The following BCR variants were observed in gnomAD, a reference collection of about 807,000 sequenced individuals.
BCR encodes the protein BCR activator of RhoGEF and GTPase.
A neutral mutation model predicts 138.6 loss-of-function variants in BCR; 58 were observed. That is an observed-to-expected ratio of 0.42 (90% CI 0.34 to 0.52). BCR has a LOEUF of 0.52. Among genes scored for constraint, BCR ranks in the 20% least tolerant of loss-of-function variants. The pLI, the probability that BCR is intolerant of heterozygous loss-of-function variation, is 0.06. For missense variants in BCR, 1,599 were observed against 1,727.2 expected, an observed-to-expected ratio of 0.93 and a Z score of 1.32; for synonymous variants, 786 against 730.1, an observed-to-expected ratio of 1.08 and a Z score of -1.23.
At chr22:23,203,744 C>T (rs1174006466) in intron 1 of BCR, among the ~76,000 whole-genome samples, 1 of 152,122 alleles carries the variant, frequency 6.6e-6, no homozygotes, top group Non-Finnish European at 1.5e-5. Flanking sequence ...TAGTTTATTG[C>T]TGTTGTGGGC....
At chr22:23,273,194 C>T (rs570578831) in intron 7 of BCR, 61 bp downstream of exon 7, 33 of 1,556,094 alleles carry the variant, frequency 2.1e-5, no homozygotes, top group East Asian at 1.1e-4. Context: ...CACACAGCAA[C>T]AATGTTCTGA....
At chr22:23,263,837 C>CAG in intron 4 of BCR, 1 of 1,100,136 alleles carries the variant, frequency 9.1e-7, no homozygotes, top group South Asian at 1.2e-5. Flanking sequence ...AGTGTTTATA[C>CAG]ACCATCCAGA....
chr22:23,297,207 G>GTT (rs1307353327), intron 16 of BCR, among the ~76,000 whole-genome samples: 2,105 of 96,774 alleles, frequency 0.022, 135 homozygotes, highest in Middle Eastern at 0.04. Flanking sequence ...TGGCTAAGTT[G>GTT]TTTTTTGTTT....
chr22:23,243,794 C>T (rs556437326), intron 1 of BCR, among the ~76,000 whole-genome samples: 7 of 152,138 alleles, frequency 4.6e-5, no homozygotes, highest in Admixed American at 2.6e-4. Context: ...AGGCGCCTGC[C>T]ACCACGCCCA....
At chr22:23,268,382 ACT>A (rs749602197) in intron 4 of BCR, 24 bp from the exon 5 acceptor site, 6 of 1,569,142 alleles carry the variant, frequency 3.8e-6, no homozygotes, top group South Asian at 2.3e-5. Flanking sequence ...CACCTGTCCC[ACT>A]CTCTCTTCCT....
At chr22:23,245,436 A>G (rs1032942241) in intron 1 of BCR, among the ~76,000 whole-genome samples, 7 of 152,046 alleles carry the variant, frequency 4.6e-5, no homozygotes, top group Non-Finnish European at 7.4e-5. Flanking sequence ...GTACGGCATG[A>G]GGGCTGGGAG....
chr22:23,240,219 C>T (rs913396212), intron 1 of BCR, among the ~76,000 whole-genome samples: 1 of 151,894 alleles, frequency 6.6e-6, no homozygotes, highest in Non-Finnish European at 1.5e-5. Context: ...AGGACTTCAG[C>T]ATATGAATTT....
At position 23,235,831 on chromosome 22, in the gene BCR, T is replaced by C. The variant is rs567345793; in HGVS notation, c.1280-17968T>C. ...CTTCTTGCTGTGTTCTCACCTGGTG[T>C]GGAAAGGATGGGGGCTGTCTCTGGG... On this transcript the variant is annotated intron_variant, in intron 1 of 22. Coordinates refer to ENST00000305877, the MANE Select transcript of BCR (RefSeq NM_004327.4). 2.0e-3 allele frequency among the ~76,000 whole-genome samples: 301 copies of C among 152,162 alleles called. 1 individual carries two copies. Among genetic ancestry groups the C allele is most frequent in the Non-Finnish European group, 2.4e-3 (165 of 67,994 alleles).
At chr22:23,284,831 A>G (rs1461411406) in intron 9 of BCR, among the ~76,000 whole-genome samples, 1 of 152,190 alleles carries the variant, frequency 6.6e-6, no homozygotes, top group East Asian at 1.9e-4. Flanking sequence ...GCCTGCGGTC[A>G]CATGTTCAGA....
chr22:23,188,166 G>A (rs1569237179), intron 1 of BCR, among the ~76,000 whole-genome samples: 3 of 152,142 alleles, frequency 2.0e-5, no homozygotes, highest in Admixed American at 6.5e-5. Context: ...AGACAGAGTG[G>A]GCAGATCTGG....
At chr22:23,243,045 T>A (rs914795431) in intron 1 of BCR, 3 of 296,482 alleles carry the variant, frequency 1.0e-5, no homozygotes, top group African/African-American at 6.6e-5. Flanking sequence ...GGTCCATCAG[T>A]GTGATATTGT....
intron 19 of BCR, chr22:23,312,060 G>A (rs2074013874): frequency 2.3e-6 from 2 of 881,552 alleles, no homozygotes; most frequent in Non-Finnish European, 3.3e-6. Flanking sequence ...TGCTGGGGTA[G>A]GCCAGGGGTT....
intron 1 of BCR, among the ~76,000 whole-genome samples, chr22:23,201,257 C>T (rs1216735885): frequency 6.6e-6 from 1 of 152,198 alleles, no homozygotes; most frequent in Non-Finnish European, 1.5e-5. Context: ...GAGGTGTTGG[C>T]CGGGGCTGCA....
At chr22:23,226,963 G>C (rs1456987699) in intron 1 of BCR, among the ~76,000 whole-genome samples, 2 of 152,162 alleles carry the variant, frequency 1.3e-5, no homozygotes, top group Non-Finnish European at 2.9e-5. Context: ...ACCAGGCCAG[G>C]ATCGAGCATT....
In BCR at chr22:23,285,019, C is replaced by G. The variant is rs747930520; in HGVS notation, c.2238-14C>G. 1.2e-6 allele frequency: 2 copies of G among 1,609,658 alleles called. No homozygotes were observed. Among genetic ancestry groups the G allele is most frequent in the Non-Finnish European group, 1.7e-6 (2 of 1,176,684 alleles). On this transcript the variant is annotated splice_polypyrimidine_tract_variant and intron_variant, in intron 9 of 22. Transcript: ENST00000305877. ...AGTCGGTGCATGTGAACGTTCTTCT[C>G]TCCCCATCCCCAGCAAAACGCAGCA...
chr22:23,220,828 T>C (rs1204301774), intron 1 of BCR, among the ~76,000 whole-genome samples: 1 of 152,232 alleles, frequency 6.6e-6, no homozygotes, highest in Admixed American at 6.5e-5. Flanking sequence ...CAGTTTGCAC[T>C]GTGGGCTTCC....
At chr22:23,257,785 C>T (rs538813103) in intron 2 of BCR, among the ~76,000 whole-genome samples, 2 of 152,212 alleles carry the variant, frequency 1.3e-5, no homozygotes, top group African/African-American at 2.4e-5. Context: ...AAGGCAGGCT[C>T]AACTGACAGC....
intron 9 of BCR, 57 bp downstream of exon 9, chr22:23,284,155 A>G (rs2073682087): frequency 1.2e-6 from 2 of 1,600,664 alleles, no homozygotes; most frequent in East Asian, 2.3e-5. Flanking sequence ...TCTCCAGGTC[A>G]TGGAGGGTCT....
At chr22:23,304,766 T>A (rs131686) in intron 16 of BCR, among the ~76,000 whole-genome samples, 75,955 of 152,024 alleles carry the variant, frequency 0.5, 19,369 homozygotes, top group East Asian at 0.74. Flanking sequence ...GGTGTGTTCC[T>A]TTTGAAGTGA....
Sources: gnomAD v4.1 joint callset for allele counts (sites outside exome capture counted in the v4.1 genomes callset) on GRCh38, gnomAD v4.1.1 for gene constraint, MANE v1.5 for transcripts, NCBI Gene and HGNC (gene_info 2026-07-23, HGNC 2026-07-21) for gene names.